The following TSHZ2 variants were observed in gnomAD, a reference collection of about 807,000 sequenced individuals.
TSHZ2 encodes the protein teashirt zinc finger homeobox 2.
TSHZ2 carries 21 observed loss-of-function variants against 74.4 expected under a neutral mutation model. That is an observed-to-expected ratio of 0.28 (90% CI 0.20 to 0.41). The LOEUF is 0.41. Ranked by LOEUF, TSHZ2 falls within the 10% of genes least tolerant of loss-of-function variation. The pLI, the probability that TSHZ2 is intolerant of heterozygous loss-of-function variation, is 1.00. For synonymous variants in TSHZ2, 540 were observed against 515.3 expected, an observed-to-expected ratio of 1.05 and a Z score of -0.65; for missense variants, 1,244 against 1,293.5, an observed-to-expected ratio of 0.96 and a Z score of 0.59.
chr20:53,354,659 C>CT (rs1980779039), intron 2 of TSHZ2, among the ~76,000 whole-genome samples: 1 of 152,190 alleles, frequency 6.6e-6, no homozygotes, highest in African/African-American at 2.4e-5. Context: ...GATGAAAACT[C>CT]TGGAAAGGTG....
intron 1 of TSHZ2, among the ~76,000 whole-genome samples, chr20:53,001,234 G>GTGTGTGTGTGTA (rs1568713569): frequency 8.5e-4 from 117 of 137,730 alleles, no homozygotes; most frequent in African/African-American, 2.3e-3. Context: ...GTGTGTGTGT[G>GTGTGTGTGTGTA]TGTGTGTGTG....
At chr20:53,474,310 CAGCAGAAACCCTACAA>C (rs1352448327) in intron 2 of TSHZ2, among the ~76,000 whole-genome samples, 9,707 of 120,684 alleles carry the variant, frequency 0.08, 388 homozygotes, top group East Asian at 0.13. Context: ...GCGGATCTCT[CAGCAGAAACCCTACAA>C]GCCAGAAGAG....
chr20:53,118,439 C>T (rs1316039502), intron 1 of TSHZ2, among the ~76,000 whole-genome samples: 3 of 151,850 alleles, frequency 2.0e-5, no homozygotes, highest in Admixed American at 1.3e-4. Context: ...CAAAAACTTA[C>T]GAGAGAGTGA....
At chr20:53,117,953 A>G (rs1011386056) in intron 1 of TSHZ2, among the ~76,000 whole-genome samples, 1 of 152,232 alleles carries the variant, frequency 6.6e-6, no homozygotes, top group African/African-American at 2.4e-5. Flanking sequence ...GTGTATTTTC[A>G]TAAAGACTTG....
intron 2 of TSHZ2, among the ~76,000 whole-genome samples, chr20:53,359,190 C>T (rs2145600716): frequency 6.6e-6 from 1 of 152,218 alleles, no homozygotes; most frequent in South Asian, 2.1e-4. Context: ...TTAGGAGTTA[C>T]AAATTTGCTT....
At position 53,475,520 on chromosome 20, in the gene TSHZ2, G is replaced by A. The variant is rs1286294645; in HGVS notation, c.*9-11624G>A. Among the ~76,000 whole-genome samples, 28 of 108,152 alleles carry A rather than the reference G, an allele frequency of 2.6e-4. 2 individuals are homozygous for A. The highest frequency in any genetic ancestry group is 1.1e-3 in the African/African-American group (27 of 25,010). 71.0% of individuals were successfully genotyped at this position (108,152 alleles called of 152,430 possible). A position where few individuals can be genotyped will look rare whatever the true frequency, so the allele number is the denominator to read the frequency against. ...ACGCATTCAAAGCAGTGTGTAGAGG[G>A]AAATTTATAGCACTAAATGCCCACA... On this transcript the variant is annotated intron_variant, in intron 2 of 2. Transcript: ENST00000371497.
chr20:53,347,685 G>A (rs1437530365), intron 2 of TSHZ2, among the ~76,000 whole-genome samples: 1 of 151,820 alleles, frequency 6.6e-6, no homozygotes, highest in Non-Finnish European at 1.5e-5. Context: ...TGTTCAGAAT[G>A]TGCAAGTTTG....
Position 53,101,668 on chromosome 20 carries a change from C to T in TSHZ2, c.40+128335C>T, listed in dbSNP as rs1986222700. 5.3e-5 allele frequency among the ~76,000 whole-genome samples: 8 copies of T among 152,292 alleles called. No homozygotes were observed. In the South Asian group the frequency reaches 1.7e-3, roughly 32 times the overall value. ...TTTTTTATTATATTCTATTGAGTCA[C>T]ATTGTAATCACCTTTTGTGGTTCTT... On this transcript the variant is annotated intron_variant, in intron 1 of 2. Coordinates refer to ENST00000371497, the MANE Select transcript of TSHZ2 (RefSeq NM_173485.6).
At chr20:53,441,482 TTTCAC>T (rs1984324578) in intron 2 of TSHZ2, among the ~76,000 whole-genome samples, 1 of 151,954 alleles carries the variant, frequency 6.6e-6, no homozygotes, top group Admixed American at 6.6e-5. Context: ...AGAAATGGGG[TTTCAC>T]TTGTTAGCAA....
rs901614949 is a variant in TSHZ2 at position 53,237,890 on chromosome 20, C to T, written c.41-15609C>T. Among the ~76,000 whole-genome samples the T allele has an allele frequency of 2.0e-5, 3 of 152,148 alleles. No homozygotes were observed. In the East Asian group the frequency reaches 5.8e-4, roughly 29 times the overall value. On this transcript the variant is annotated intron_variant, in intron 1 of 2. Transcript: ENST00000371497. ...AGACTACGAGCACTGCAACCGTACT[C>T]GAGACGGGTACAGTCAAGTCATTGG...
intron 2 of TSHZ2, among the ~76,000 whole-genome samples, chr20:53,262,382 G>GTTTCAT (rs1231573462): frequency 1.3e-5 from 2 of 152,128 alleles, no homozygotes; most frequent in Non-Finnish European, 1.5e-5. Context: ...GAAATGAGCA[G>GTTTCAT]GCGTTCATGA....
intron 1 of TSHZ2, among the ~76,000 whole-genome samples, chr20:53,112,892 A>G (rs1168808477): frequency 6.6e-6 from 1 of 152,198 alleles, no homozygotes; most frequent in East Asian, 1.9e-4. Flanking sequence ...AAAATAACCT[A>G]TTATTTTTTA....
intron 2 of TSHZ2, among the ~76,000 whole-genome samples, chr20:53,460,744 G>A (rs1441103603): frequency 2.6e-5 from 4 of 152,172 alleles, no homozygotes; most frequent in African/African-American, 9.7e-5. Flanking sequence ...TGTCCTTTCT[G>A]TTTGTTAGTT....
intron 2 of TSHZ2, among the ~76,000 whole-genome samples, chr20:53,464,617 A>G (rs1985500470): frequency 6.6e-6 from 1 of 152,198 alleles, no homozygotes; most frequent in Non-Finnish European, 1.5e-5. Context: ...GCACACCACC[A>G]TGCCCAGCTA....
At chr20:53,320,948 C>T (rs562597793) in intron 2 of TSHZ2, among the ~76,000 whole-genome samples, 14 of 152,276 alleles carry the variant, frequency 9.2e-5, no homozygotes, top group East Asian at 7.7e-4. Context: ...TGCCCATGTA[C>T]GATAAACTTT....
chr20:53,272,170 C>T lies in TSHZ2; in HGVS notation c.*8+15599C>T, dbSNP rs527525893. On this transcript the variant is annotated intron_variant, in intron 2 of 2. Coordinates refer to ENST00000371497, the MANE Select transcript of TSHZ2 (RefSeq NM_173485.6). Reference sequence around the variant, plus strand: ...GGGATTACAGGCACGCACCACCACACCTGGCTAATTTTTGTATATTTAGTA... The same window carrying T: ...GGGATTACAGGCACGCACCACCACATCTGGCTAATTTTTGTATATTTAGTA... 4.6e-5 allele frequency among the ~76,000 whole-genome samples: 7 copies of T among 152,248 alleles called. No individual in the cohort carries two copies. In the East Asian group the frequency reaches 1.3e-3, roughly 29 times the overall value.
chr20:53,349,218 T>C (rs572737719), intron 2 of TSHZ2, among the ~76,000 whole-genome samples: 1 of 152,328 alleles, frequency 6.6e-6, no homozygotes, highest in East Asian at 1.9e-4. Flanking sequence ...TGCATAGTAA[T>C]AGTCCTACCT....
In TSHZ2 at chr20:53,226,800, A is replaced by G. The variant is rs116950381; in HGVS notation, c.41-26699A>G. On this transcript the variant is annotated intron_variant, in intron 1 of 2. Transcript: ENST00000371497. The stretch of plus-strand genomic sequence containing the variant: ...CCAGTAGCACCCCCATTCCTACCTC[A>G]TCCAGTTGGAGACAAAAATGACTCC... Among the ~76,000 whole-genome samples the G allele has an allele frequency of 7.5e-3, 1,133 of 152,040 alleles. 8 individuals are homozygous for G. Among genetic ancestry groups the G allele is most frequent in the Middle Eastern group, 0.048 (14 of 292 alleles).
Position 53,255,392 on chromosome 20 carries a change from A to G in TSHZ2, c.1934A>G (p.Lys645Arg). 1.2e-6 allele frequency: 2 copies of G among 1,613,960 alleles called. No homozygotes were observed. ...RKSETPPEAKKTELGPLKEEE... is the reference protein window; with the variant it reads ...RKSETPPEAKRTELGPLKEEE... ...AGTGAAACACCTCCAGAAGCCAAAA[A>G]GACCGAGCTGGGTCCCCTGAAGGAG... Residue 645 changes from lysine (K) to arginine (R), a missense_variant, in exon 2 of 3, where the codon AAG (lysine) becomes AGG (arginine). By Grantham distance (26) the Lys-to-Arg change is conservative. Coordinates refer to ENST00000371497, the MANE Select transcript of TSHZ2 (RefSeq NM_173485.6). This position sits in a 1 kb window ranked among gnomAD's most constrained non-coding sequence, Gnocchi z 4.1.
Sources: gnomAD v4.1 joint callset for allele counts (sites outside exome capture counted in the v4.1 genomes callset) on GRCh38, gnomAD v4.1.1 for gene constraint, Gnocchi (gnomAD v3.1) non-coding constraint, MANE v1.5 for transcripts, NCBI Gene and HGNC (gene_info 2026-07-23, HGNC 2026-07-21) for gene names.